The following XRN1 variants were observed in gnomAD, a reference collection of about 807,000 sequenced individuals.
The protein encoded by XRN1 is strand-exchange protein 1 homolog.
Under a neutral mutation model 222.3 loss-of-function variants are expected in XRN1, and 67 were observed. The observed-to-expected ratio is 0.30, with a 90% CI of 0.25 to 0.37. The LOEUF is 0.37. XRN1 is among the 10% of genes least tolerant of loss of function. The pLI, the probability that XRN1 is intolerant of heterozygous loss-of-function variation, is 1.00. For missense variants in XRN1, 1,707 were observed against 2,000.2 expected, an observed-to-expected ratio of 0.85 and a Z score of 2.80; for synonymous variants, 643 against 652.4, an observed-to-expected ratio of 0.99 and a Z score of 0.22.
chr3:142,373,963 C>A lies in XRN1; in HGVS notation c.2978+1835G>T, dbSNP rs148510842. ...TGCCACTGCACTCCAGCCTGGGTGA[C>A]AGAGCGAGACTGACTCAAACAAAGC... On this transcript the variant is annotated intron_variant, in intron 25 of 40. Transcript: ENST00000392981. 2.5e-3 allele frequency among the ~76,000 whole-genome samples: 376 copies of A among 152,286 alleles called. 1 individual carries two copies. Among genetic ancestry groups the A allele is most frequent in the South Asian group, 0.012 (59 of 4,820 alleles).
At chr3:142,370,874 AAAAAC>A (rs372032073) in intron 26 of XRN1, among the ~76,000 whole-genome samples, 203 of 152,216 alleles carry the variant, frequency 1.3e-3, no homozygotes, top group African/African-American at 4.5e-3. Flanking sequence ...AACAATGCAA[AAAAAC>A]AAAACAAAAC....
chr3:142,440,961 T>C (rs2070179018), intron 1 of XRN1, among the ~76,000 whole-genome samples: 3 of 152,220 alleles, frequency 2.0e-5, no homozygotes. Context: ...TTTTCATACC[T>C]GGACACTCTT....
chr3:142,366,461 C>T (rs528735718), intron 27 of XRN1, among the ~76,000 whole-genome samples: 55 of 152,228 alleles, frequency 3.6e-4, no homozygotes, highest in Middle Eastern at 6.8e-3. Context: ...TACTGAGATC[C>T]ATTTGTATGC....
At chr3:142,415,670 G>C (rs2068756152) in intron 13 of XRN1, among the ~76,000 whole-genome samples, 6 of 152,164 alleles carry the variant, frequency 3.9e-5, no homozygotes, top group Admixed American at 2.6e-4. Flanking sequence ...CTGAGAATCA[G>C]GTGATTATAA....
chr3:142,434,453 G>A, intron 1 of XRN1, among the ~76,000 whole-genome samples: 1 of 150,800 alleles, frequency 6.6e-6, no homozygotes. Context: ...TACTACAGGT[G>A]TGAGCCACTG....
chr3:142,361,963 C>CTTTTTTTTTTTTTTTTTTTTT (rs71153961), intron 29 of XRN1, among the ~76,000 whole-genome samples: 3 of 51,674 alleles, frequency 5.8e-5, no homozygotes, highest in Admixed American at 3.2e-4. Context: ...CTTTTTCTCT[C>CTTTTTTTTTTTTTTTTTTTTT]TTTTTTTTTT....
intron 33 of XRN1, among the ~76,000 whole-genome samples, chr3:142,335,733 T>C (rs2065835681): frequency 6.6e-6 from 1 of 151,782 alleles, no homozygotes; most frequent in South Asian, 2.1e-4. Flanking sequence ...TCGAAGGAGG[T>C]AGGTTCTAAA....
intron 39 of XRN1, chr3:142,313,164 G>C: frequency 6.2e-7 from 1 of 1,613,052 alleles, no homozygotes; most frequent in Non-Finnish European, 8.5e-7. Flanking sequence ...TGCTTCCATA[G>C]TGATCCCAGC....
At chr3:142,318,751 A>C (rs1278828917) in intron 38 of XRN1, 39 bp downstream of exon 38, 1 of 1,610,610 alleles carries the variant, frequency 6.2e-7, no homozygotes, top group Non-Finnish European at 8.5e-7. Flanking sequence ...TATAGGGACT[A>C]ATAAAAATTT....
At chr3:142,359,820 G>A in intron 30 of XRN1, 42 bp downstream of exon 30, 1 of 1,421,416 alleles carries the variant, frequency 7.0e-7, no homozygotes, top group Non-Finnish European at 9.8e-7. Context: ...CTGGCCACAT[G>A]AACATATTCA....
At chr3:142,385,249 C>G (rs180978308) in intron 20 of XRN1, among the ~76,000 whole-genome samples, 1 of 152,186 alleles carries the variant, frequency 6.6e-6, no homozygotes, top group Non-Finnish European at 1.5e-5. Context: ...AATGGATAAA[C>G]AAACAGTGGC....
chr3:142,396,202 A>G (rs1408046663), intron 20 of XRN1, among the ~76,000 whole-genome samples: 2 of 152,230 alleles, frequency 1.3e-5, no homozygotes, highest in Non-Finnish European at 2.9e-5. Context: ...AATGTTACAT[A>G]TATAAACAAA....
chr3:142,436,393 T>C (rs910226880), intron 1 of XRN1, among the ~76,000 whole-genome samples: 7 of 152,318 alleles, frequency 4.6e-5, no homozygotes, highest in Admixed American at 4.6e-4. Context: ...AAGATAAATA[T>C]TTAGCATTCT....
intron 32 of XRN1, among the ~76,000 whole-genome samples, chr3:142,349,943 G>T (rs2066258430): frequency 6.6e-6 from 1 of 152,140 alleles, no homozygotes; most frequent in South Asian, 2.1e-4. Flanking sequence ...TGAGACCTAG[G>T]GGGTTATTTG....
At chr3:142,417,074 A>AT (rs2068817231) in intron 13 of XRN1, 66 bp downstream of exon 13, 1 of 1,218,290 alleles carries the variant, frequency 8.2e-7, no homozygotes, top group Admixed American at 2.2e-5. Flanking sequence ...TGCTTCCTAA[A>AT]TAAGACTCTA....
chr3:142,383,166 T>C (rs2107939641), intron 22 of XRN1, 134 bp downstream of exon 22: 1 of 726,744 alleles, frequency 1.4e-6, no homozygotes, highest in Non-Finnish European at 2.3e-6. Flanking sequence ...AAACACTGTG[T>C]TCATAAGTTA....
intron 26 of XRN1, among the ~76,000 whole-genome samples, chr3:142,370,914 A>T (rs2066968993): frequency 6.6e-6 from 1 of 152,068 alleles, no homozygotes; most frequent in Admixed American, 6.5e-5. Context: ...AGAAGTAACA[A>T]GACACGCCTG....
At position 142,438,435 on chromosome 3, in the gene XRN1, C is replaced by T. The variant is rs142237430; in HGVS notation, c.76-5542G>A. ...GCTACATCGGTAAGCGTAACTAATCCGATAAGCAGAGGTCCATGGGTGGTT... is the reference window on the plus strand; with the variant it reads ...GCTACATCGGTAAGCGTAACTAATCTGATAAGCAGAGGTCCATGGGTGGTT... On this transcript the variant is annotated intron_variant, in intron 1 of 40. Transcript: ENST00000392981. 9.4e-3 allele frequency among the ~76,000 whole-genome samples: 1,438 copies of T among 152,202 alleles called. 21 individuals are homozygous for T. Among genetic ancestry groups the T allele is most frequent in the African/African-American group, 0.033 (1,360 of 41,526 alleles).
intron 1 of XRN1, among the ~76,000 whole-genome samples, chr3:142,436,955 A>T (rs956979701): frequency 7.9e-5 from 12 of 152,202 alleles, no homozygotes; most frequent in African/African-American, 2.9e-4. Context: ...TGAATTTTTT[A>T]AAATAATGAG....
Sources: gnomAD v4.1 joint callset for allele counts (sites outside exome capture counted in the v4.1 genomes callset) on GRCh38, gnomAD v4.1.1 for gene constraint, MANE v1.5 for transcripts, NCBI Gene and HGNC (gene_info 2026-07-23, HGNC 2026-07-21) for gene names.